The following CNTNAP2 variants were observed in gnomAD, a reference collection of about 807,000 sequenced individuals.
CNTNAP2 encodes contactin associated protein 2.
In CNTNAP2, 98 loss-of-function variants were observed where a neutral mutation model predicts 155.2. The observed-to-expected ratio is 0.63, with a 90% CI of 0.54 to 0.75. The LOEUF (loss-of-function observed/expected upper bound fraction) is 0.75, where lower values mean the gene tolerates loss of function less well. Among genes scored for constraint, CNTNAP2 ranks in the 30% least tolerant of loss-of-function variants. The probability of loss-of-function intolerance (pLI) is 0.00; values close to 1 mark genes in which losing one functional copy is unlikely to be tolerated. For synonymous variants in CNTNAP2, 651 were observed against 631.2 expected, an observed-to-expected ratio of 1.03 and a Z score of -0.47; for missense variants, 1,727 against 1,688.1, an observed-to-expected ratio of 1.02 and a Z score of -0.40.
intron 10 of CNTNAP2, among the ~76,000 whole-genome samples, chr7:147,477,313 G>A (rs1798340420): frequency 6.6e-6 from 1 of 152,104 alleles, no homozygotes; most frequent in Non-Finnish European, 1.5e-5. Flanking sequence ...ACCTCAAACT[G>A]AAAATGCCAC....
intron 2 of CNTNAP2, among the ~76,000 whole-genome samples, chr7:146,788,175 C>A (rs757427160): frequency 6.6e-6 from 1 of 152,160 alleles, no homozygotes; most frequent in Non-Finnish European, 1.5e-5. Context: ...GGCCACCAAG[C>A]CGGCGCCCAC....
At chr7:147,506,482 C>T (rs761854004) in intron 11 of CNTNAP2, among the ~76,000 whole-genome samples, 3 of 152,034 alleles carry the variant, frequency 2.0e-5, no homozygotes, top group Non-Finnish European at 2.9e-5. Context: ...GTCAAAATCC[C>T]GACCTCAGGC....
At chr7:146,357,315 A>G (rs7793026) in intron 1 of CNTNAP2, among the ~76,000 whole-genome samples, 18,307 of 151,734 alleles carry the variant, frequency 0.12, 2,683 homozygotes, top group African/African-American at 0.35. Flanking sequence ...TTCCTTAAAA[A>G]ATAAATGACC....
intron 1 of CNTNAP2, among the ~76,000 whole-genome samples, chr7:146,678,150 C>A (rs1245818443): frequency 6.6e-6 from 1 of 152,016 alleles, no homozygotes; most frequent in Admixed American, 6.6e-5. Flanking sequence ...CTCACTGCAA[C>A]CTCTGCCTCC....
chr7:146,465,620 A>G (rs1796706058), intron 1 of CNTNAP2, among the ~76,000 whole-genome samples: 1 of 152,172 alleles, frequency 6.6e-6, no homozygotes, highest in Admixed American at 6.6e-5. Flanking sequence ...TTCCCTTTAC[A>G]CAAGATGGCT....
At chr7:146,390,721 T>G (rs1795528961) in intron 1 of CNTNAP2, among the ~76,000 whole-genome samples, 1 of 148,824 alleles carries the variant, frequency 6.7e-6, no homozygotes, top group Non-Finnish European at 1.5e-5. Context: ...ACTCTTCAAG[T>G]GTGCTATTCA....
At chr7:146,276,833 T>C (rs1224551095) in intron 1 of CNTNAP2, among the ~76,000 whole-genome samples, 1 of 152,190 alleles carries the variant, frequency 6.6e-6, no homozygotes, top group African/African-American at 2.4e-5. Context: ...TGTGCTTGGG[T>C]ATTTAAATAA....
chr7:146,595,092 A>G (rs1584998556), intron 1 of CNTNAP2, among the ~76,000 whole-genome samples: 1 of 152,066 alleles, frequency 6.6e-6, no homozygotes, highest in Non-Finnish European at 1.5e-5. Context: ...GCTCTCAACC[A>G]CTGTGTGGGT....
chr7:147,378,325 T>C (rs780913287), intron 9 of CNTNAP2, among the ~76,000 whole-genome samples: 4 of 152,016 alleles, frequency 2.6e-5, no homozygotes, highest in African/African-American at 4.8e-5. Context: ...TCTATATATT[T>C]ATGGGCTACA....
intron 1 of CNTNAP2, among the ~76,000 whole-genome samples, chr7:146,220,452 G>A (rs925495661): frequency 6.6e-6 from 1 of 152,166 alleles, no homozygotes; most frequent in Non-Finnish European, 1.5e-5. Flanking sequence ...CCAGGTTCAA[G>A]TCAGCCACAG....
intron 10 of CNTNAP2, among the ~76,000 whole-genome samples, chr7:147,467,497 A>G (rs1295115939): frequency 6.6e-6 from 1 of 152,174 alleles, no homozygotes; most frequent in Admixed American, 6.5e-5. Context: ...GTACACATGG[A>G]CACTCAGAGT....
At chr7:146,813,485 C>A (rs546860623) in intron 2 of CNTNAP2, among the ~76,000 whole-genome samples, 1 of 152,264 alleles carries the variant, frequency 6.6e-6, no homozygotes, top group South Asian at 2.1e-4. Context: ...TTGTTTTGGC[C>A]AATTTCTCTC....
intron 1 of CNTNAP2, among the ~76,000 whole-genome samples, chr7:146,374,593 C>A (rs1795281159): frequency 6.6e-6 from 1 of 152,052 alleles, no homozygotes; most frequent in South Asian, 2.1e-4. Flanking sequence ...TGAGTGGAAC[C>A]TTTTTAATTG....
intron 4 of CNTNAP2, among the ~76,000 whole-genome samples, chr7:147,070,022 T>A (rs1799858580): frequency 6.6e-6 from 1 of 152,218 alleles, no homozygotes; most frequent in Non-Finnish European, 1.5e-5. Flanking sequence ...GCTTTGGCTA[T>A]AAATAAGACC....
At chr7:146,589,689 T>A (rs1428303201) in intron 1 of CNTNAP2, among the ~76,000 whole-genome samples, 2 of 151,802 alleles carry the variant, frequency 1.3e-5, no homozygotes, top group Admixed American at 6.6e-5. Context: ...ATGGCACGTG[T>A]ATACTTATGT....
intron 8 of CNTNAP2, among the ~76,000 whole-genome samples, chr7:147,224,050 A>ACAC (rs11427971): frequency 6.6e-6 from 1 of 151,430 alleles, no homozygotes; most frequent in African/African-American, 2.4e-5. Context: ...GAGAACTGTC[A>ACAC]GCCAGCGCTT....
chr7:146,124,627 C>T (rs1007681046), intron 1 of CNTNAP2, among the ~76,000 whole-genome samples: 9 of 152,044 alleles, frequency 5.9e-5, no homozygotes, highest in Non-Finnish European at 1.0e-4. Context: ...TAAATTGTTA[C>T]GTAGCATATT....
intron 12 of CNTNAP2, among the ~76,000 whole-genome samples, chr7:147,621,687 G>T (rs1330104111): frequency 1.3e-5 from 2 of 151,694 alleles, no homozygotes; most frequent in Non-Finnish European, 2.9e-5. Flanking sequence ...CACCAGAGAA[G>T]ATCACCTTCA....
At chr7:146,998,329 G>A (rs1050621882) in intron 3 of CNTNAP2, among the ~76,000 whole-genome samples, 1 of 151,626 alleles carries the variant, frequency 6.6e-6, no homozygotes, top group Non-Finnish European at 1.5e-5. Flanking sequence ...CCATTTATTT[G>A]GGAATTTTCC....
Sources: gnomAD v4.1 joint callset for allele counts (sites outside exome capture counted in the v4.1 genomes callset) on GRCh38, gnomAD v4.1.1 for gene constraint, MANE v1.5 for transcripts, NCBI Gene and HGNC (gene_info 2026-07-23, HGNC 2026-07-21) for gene names.